USP22: variants seen among roughly 807,000 people sequenced by gnomAD.
USP22 encodes ubiquitin carboxyl-terminal hydrolase 22.
A neutral mutation model predicts 68.1 loss-of-function variants in USP22; 22 were observed. The ratio of observed to expected loss-of-function variants is 0.32; its 90% CI spans 0.23 to 0.46. The LOEUF is 0.46. Ranked by LOEUF, USP22 falls within the 20% of genes least tolerant of loss-of-function variation. The probability of loss-of-function intolerance (pLI) is 1.00; values close to 1 mark genes in which losing one functional copy is unlikely to be tolerated. For synonymous variants in USP22, 279 were observed against 274.2 expected, an observed-to-expected ratio of 1.02 and a Z score of -0.17; for missense variants, 433 against 695.8, an observed-to-expected ratio of 0.62 and a Z score of 4.25.
At chr17:21,009,197 C>T (rs1400279912) in intron 8 of USP22, among the ~76,000 whole-genome samples, 2 of 151,628 alleles carry the variant, frequency 1.3e-5, no homozygotes. Flanking sequence ...GTGTCTGGCA[C>T]AGGTGTCAGC....
chr17:21,027,245 G>A (rs954866971), intron 2 of USP22, among the ~76,000 whole-genome samples: 39 of 123,802 alleles, frequency 3.2e-4, no homozygotes, highest in African/African-American at 1.1e-3. Context: ...CCATGACCGC[G>A]CCACTGCACT....
chr17:21,039,519 A>G (rs943820763), intron 1 of USP22, among the ~76,000 whole-genome samples: 7 of 152,094 alleles, frequency 4.6e-5, no homozygotes, highest in African/African-American at 1.7e-4. Flanking sequence ...AGCCGAGATC[A>G]CGCCATTGCC....
chr17:21,038,400 T>C (rs1189039110), intron 1 of USP22, among the ~76,000 whole-genome samples: 9 of 151,828 alleles, frequency 5.9e-5, no homozygotes, highest in Admixed American at 5.9e-4. Context: ...CTGGGAGAGG[T>C]GGCTCATGCC....
chr17:21,033,560 T>C (rs931071332), intron 1 of USP22, among the ~76,000 whole-genome samples: 1 of 152,170 alleles, frequency 6.6e-6, no homozygotes, highest in Non-Finnish European at 1.5e-5. Flanking sequence ...ACACTGAATT[T>C]TGAGTCCAGC....
At chr17:21,008,425 A>G (rs1913844363) in intron 8 of USP22, among the ~76,000 whole-genome samples, 1 of 152,110 alleles carries the variant, frequency 6.6e-6, no homozygotes, top group Non-Finnish European at 1.5e-5. Flanking sequence ...GGAGTATGAG[A>G]CAGCAGCAAA....
At chr17:21,006,754 C>T (rs1050542438) in intron 10 of USP22, 142 bp downstream of exon 10, 13 of 544,362 alleles carry the variant, frequency 2.4e-5, no homozygotes, top group South Asian at 1.2e-4. Context: ...CTGCCCGCTT[C>T]GACCTCCTGA....
chr17:21,041,411 A>T, intron 1 of USP22, among the ~76,000 whole-genome samples: 1 of 151,872 alleles, frequency 6.6e-6, no homozygotes, highest in East Asian at 2.0e-4. Flanking sequence ...CAGCCTGGCC[A>T]ACATGGTGAA....
chr17:21,031,343 TTATGA>T (rs1972288607), intron 1 of USP22, among the ~76,000 whole-genome samples: 1 of 152,244 alleles, frequency 6.6e-6, no homozygotes, highest in Non-Finnish European at 1.5e-5. Flanking sequence ...GAAAAGGAAC[TTATGA>T]TATACTCAGC....
chr17:21,035,324 C>T (rs1294936890), intron 1 of USP22, among the ~76,000 whole-genome samples: 1 of 152,218 alleles, frequency 6.6e-6, no homozygotes, highest in Non-Finnish European at 1.5e-5. Context: ...GCTACAGGTA[C>T]TGGCCAACAT....
At chr17:21,011,004 A>AC in intron 8 of USP22, 147 bp downstream of exon 8, 4 of 1,137,294 alleles carry the variant, frequency 3.5e-6, no homozygotes, top group Non-Finnish European at 4.7e-6. Flanking sequence ...ACAAACTAGC[A>AC]CAAGAGACTG....
chr17:21,019,475 G>A (rs1347982602), intron 3 of USP22, among the ~76,000 whole-genome samples: 1 of 152,242 alleles, frequency 6.6e-6, no homozygotes, highest in Non-Finnish European at 1.5e-5. Context: ...TTTTTCAAAT[G>A]TCTTCCATCC....
rs57776078 is a variant in USP22 at position 21,023,644 on chromosome 17, C to CA, written c.305-2419dup. On this transcript the variant is annotated intron_variant, in intron 2 of 12. Coordinates refer to ENST00000261497, the MANE Select transcript of USP22 (RefSeq NM_015276.2). The stretch of plus-strand genomic sequence containing the variant: ...TGGGCGAGAGTGCCAGACTATGTCT[C>CA]AAAAAAAAAAAAAAAAAAAAAATTG... Among the ~76,000 whole-genome samples, 939 of 106,920 alleles carry CA rather than the reference C, an allele frequency of 8.8e-3. 12 individuals are homozygous for CA. Among genetic ancestry groups the CA allele is most frequent in the East Asian group, 0.027 (95 of 3,516 alleles). The allele number at this position is 106,920 out of a possible 152,430, so 70.1% of individuals were successfully genotyped here.
At chr17:21,012,164 T>C (rs1913991141) in intron 7 of USP22, among the ~76,000 whole-genome samples, 1 of 152,172 alleles carries the variant, frequency 6.6e-6, no homozygotes, top group African/African-American at 2.4e-5. Context: ...GGCCCATGCC[T>C]GTAGTCCCAG....
intron 1 of USP22, among the ~76,000 whole-genome samples, chr17:21,034,913 T>C (rs982864953): frequency 1.3e-5 from 2 of 152,154 alleles, no homozygotes; most frequent in African/African-American, 2.4e-5. Flanking sequence ...GGAAAAAAGT[T>C]TGCACGTAAT....
chr17:21,027,691 G>A (rs534791471), intron 2 of USP22, among the ~76,000 whole-genome samples: 59 of 152,254 alleles, frequency 3.9e-4, no homozygotes, highest in African/African-American at 1.3e-3. Flanking sequence ...AGCCAAGGCC[G>A]GGCACAATGG....
In USP22 at chr17:21,002,139, T is replaced by C. The variant is rs1913604220; in HGVS notation, c.*892A>G. On this transcript the variant is annotated 3_prime_UTR_variant, in exon 13 of 13. Coordinates refer to ENST00000261497, the MANE Select transcript of USP22 (RefSeq NM_015276.2). ...AGACTGAGATGACAGACACACCGTA[T>C]GAGCTGCAGCACAACTCTCCTCCGC... 1 of 152,368 alleles carries C rather than the reference T, an allele frequency of 6.6e-6. No homozygotes were observed. The highest frequency in any genetic ancestry group is 2.4e-5 in the African/African-American group (1 of 41,446). 9.4% of individuals were successfully genotyped at this position (152,368 alleles called of 1,614,324 possible).
chr17:21,009,066 G>C (rs1315104937), intron 8 of USP22, among the ~76,000 whole-genome samples: 1 of 138,248 alleles, frequency 7.2e-6, no homozygotes, highest in East Asian at 2.1e-4. Context: ...ACTCCAGCCT[G>C]GGCAACAAGA....
chr17:21,016,949 A>G (rs1055304094), intron 5 of USP22, among the ~76,000 whole-genome samples: 1 of 152,156 alleles, frequency 6.6e-6, no homozygotes, highest in Non-Finnish European at 1.5e-5. Flanking sequence ...AATCTAACAC[A>G]AGTGAGCTTA....
chr17:21,004,864 C>G (rs1009847610), intron 11 of USP22, 64 bp downstream of exon 11: 1 of 1,587,646 alleles, frequency 6.3e-7, no homozygotes, highest in African/African-American at 1.3e-5. Flanking sequence ...ACAAGGCAGA[C>G]AGGAGCCCAC....
Sources: allele counts gnomAD v4.1 joint callset (sites outside exome capture counted in the v4.1 genomes callset), GRCh38; gene constraint gnomAD v4.1.1; transcripts MANE v1.5; gene names NCBI Gene and HGNC (gene_info 2026-07-23, HGNC 2026-07-21).